ZMIZ1: variants seen among roughly 807,000 people sequenced by gnomAD.
ZMIZ1 encodes zinc finger MIZ domain-containing protein 1.
In ZMIZ1, 17 loss-of-function variants were observed where a neutral mutation model predicts 113.9. The observed-to-expected ratio is 0.15, with a 90% CI of 0.10 to 0.22. The LOEUF is 0.22. ZMIZ1 is among the 10% of genes least tolerant of loss of function. The pLI is 1.00. For synonymous variants in ZMIZ1, 607 were observed against 603.1 expected, an observed-to-expected ratio of 1.01 and a Z score of -0.09; for missense variants, 1,059 against 1,477.8, an observed-to-expected ratio of 0.72 and a Z score of 4.65.
intron 1 of ZMIZ1, among the ~76,000 whole-genome samples, chr10:79,109,193 T>C (rs779389531): frequency 2.0e-5 from 3 of 152,166 alleles, no homozygotes; most frequent in Admixed American, 6.5e-5. Flanking sequence ...CTGTTCGCTG[T>C]CCTGTGTGTG....
intron 1 of ZMIZ1, among the ~76,000 whole-genome samples, chr10:79,083,482 C>G (rs148855485): frequency 6.6e-6 from 1 of 152,234 alleles, no homozygotes; most frequent in African/African-American, 2.4e-5. Context: ...GACAGAGAGC[C>G]TTATCAAGTA....
chr10:79,252,910 T>C (rs1232072379), intron 7 of ZMIZ1, among the ~76,000 whole-genome samples: 3 of 152,238 alleles, frequency 2.0e-5, no homozygotes, highest in Non-Finnish European at 4.4e-5. Flanking sequence ...CGCTCAAGTT[T>C]GTATGGTGAG....
At chr10:79,161,867 T>C (rs1389022368) in intron 3 of ZMIZ1, among the ~76,000 whole-genome samples, 186 bp from the exon 4 acceptor site, 1 of 152,200 alleles carries the variant, frequency 6.6e-6, no homozygotes, top group East Asian at 1.9e-4. Context: ...ATATCTGTAA[T>C]CACATAACCA....
At chr10:79,276,393 G>C (rs1852291934) in intron 7 of ZMIZ1, among the ~76,000 whole-genome samples, 1 of 152,208 alleles carries the variant, frequency 6.6e-6, no homozygotes, top group Non-Finnish European at 1.5e-5. Context: ...AACAGTGAAA[G>C]AAAATGGAAG....
chr10:79,256,528 A>T (rs1410648640), intron 7 of ZMIZ1, among the ~76,000 whole-genome samples: 1 of 151,770 alleles, frequency 6.6e-6, no homozygotes, highest in African/African-American at 2.4e-5. Flanking sequence ...TAGGGCGGCC[A>T]CTCCAGGGAG....
intron 1 of ZMIZ1, among the ~76,000 whole-genome samples, chr10:79,111,352 G>A (rs1843730360): frequency 6.6e-6 from 1 of 152,218 alleles, no homozygotes; most frequent in South Asian, 2.1e-4. Context: ...GGACAAAGAG[G>A]ATTTAGCTCA....
In ZMIZ1 at chr10:79,207,404, C is replaced by T. The variant is rs571201176; in HGVS notation, c.61-932C>T. Reference sequence around the variant, plus strand: ...ACCTTTGCCCCTAATCTGCTCCTTGCTCCTAGCCACATCTTTTGTCTCCTG... The same window carrying T: ...ACCTTTGCCCCTAATCTGCTCCTTGTTCCTAGCCACATCTTTTGTCTCCTG... On this transcript the variant is annotated intron_variant, in intron 5 of 24. Transcript: ENST00000334512. Among the ~76,000 whole-genome samples the T allele has an allele frequency of 4.6e-5, 7 of 152,362 alleles. 1 individual carries two copies. In the South Asian group the frequency reaches 1.4e-3, roughly 32 times the overall value.
chr10:79,154,069 GA>G (rs1415120635), intron 3 of ZMIZ1, among the ~76,000 whole-genome samples: 2 of 152,230 alleles, frequency 1.3e-5, no homozygotes, highest in Non-Finnish European at 2.9e-5. Context: ...TCATGGGTAT[GA>G]TGTCAGTTCA....
intron 3 of ZMIZ1, among the ~76,000 whole-genome samples, chr10:79,158,751 GA>G (rs1219526713): frequency 6.6e-6 from 1 of 152,230 alleles, no homozygotes; most frequent in East Asian, 1.9e-4. Context: ...TGGGAAGGTA[GA>G]TATGATGGGG....
At chr10:79,243,099 G>GCTCCTC (rs949454526) in intron 7 of ZMIZ1, among the ~76,000 whole-genome samples, 29 of 150,784 alleles carry the variant, frequency 1.9e-4, no homozygotes, top group African/African-American at 6.8e-4. Flanking sequence ...TTCCTCCCGC[G>GCTCCTC]CTCCTCCTCC....
chr10:79,077,881 C>T (rs2132171322), intron 1 of ZMIZ1, among the ~76,000 whole-genome samples: 1 of 152,368 alleles, frequency 6.6e-6, no homozygotes, highest in Admixed American at 6.5e-5. Flanking sequence ...TCACCACCAG[C>T]ATTCCCATTG....
chr10:79,222,413 T>C (rs1334120801), intron 7 of ZMIZ1, among the ~76,000 whole-genome samples: 1 of 152,168 alleles, frequency 6.6e-6, no homozygotes, highest in Non-Finnish European at 1.5e-5. Flanking sequence ...ACCAGCCCTG[T>C]GGACATGAGT....
Position 79,307,499 on chromosome 10 carries a change from C to T in ZMIZ1, c.2763C>T (p.Leu921=), listed in dbSNP as rs762276519. The T allele has an allele frequency of 5.1e-6, 8 of 1,579,230 alleles. No individual in the cohort carries two copies. ...ACTTCATGCACGGGCCCCCCCAGCT[C>T]TCCCACCCCCCGGACATGCCCAACA... ...MNDFMHGPPQ[L]SHPPDMPNNM... is the part of the protein sequence containing the mutation. Residue 921 remains leucine (L), a synonymous_variant, in exon 23 of 25, where the codon CTC becomes CTT. Coordinates refer to ENST00000334512, the MANE Select transcript of ZMIZ1 (RefSeq NM_020338.4).
chr10:79,189,042 G>A (rs1407114082), intron 4 of ZMIZ1, among the ~76,000 whole-genome samples: 1 of 152,226 alleles, frequency 6.6e-6, no homozygotes, highest in African/African-American at 2.4e-5. Context: ...CTGATCTCCT[G>A]TCTTTATTAG....
At chr10:79,088,253 G>T (rs538013376) in intron 1 of ZMIZ1, among the ~76,000 whole-genome samples, 2 of 152,230 alleles carry the variant, frequency 1.3e-5, no homozygotes, top group African/African-American at 2.4e-5. Context: ...CTGCATTGCC[G>T]CTGCCCAGGC....
intron 7 of ZMIZ1, among the ~76,000 whole-genome samples, chr10:79,236,821 A>G (rs1252034374): frequency 6.6e-6 from 1 of 152,250 alleles, no homozygotes; most frequent in African/African-American, 2.4e-5. Flanking sequence ...GCTAATATTT[A>G]TAAAGCATCT....
At chr10:79,177,231 A>G (rs1192101147) in intron 4 of ZMIZ1, among the ~76,000 whole-genome samples, 2 of 152,062 alleles carry the variant, frequency 1.3e-5, no homozygotes. Context: ...CCTGCTCCCC[A>G]CAGCACCGCC....
chr10:79,182,373 G>A (rs935667686), intron 4 of ZMIZ1, among the ~76,000 whole-genome samples: 1 of 152,262 alleles, frequency 6.6e-6, no homozygotes, highest in African/African-American at 2.4e-5. Flanking sequence ...GTGGGGGCCA[G>A]GAGTATCGAC....
chr10:79,212,919 TC>T (rs1848582288), intron 6 of ZMIZ1, among the ~76,000 whole-genome samples: 1 of 152,112 alleles, frequency 6.6e-6, no homozygotes. Context: ...CCGTCTTGTG[TC>T]TGGACTTTAG....
Sources: allele counts gnomAD v4.1 joint callset (sites outside exome capture counted in the v4.1 genomes callset), GRCh38; gene constraint gnomAD v4.1.1; transcripts MANE v1.5; gene names NCBI Gene and HGNC (gene_info 2026-07-23, HGNC 2026-07-21).